AFG2A: variants seen among roughly 807,000 people sequenced by gnomAD.
AFG2A encodes ATPase family gene 2 protein homolog A.
chr4:123,008,165 C>T, the AFG2A span, among the ~76,000 whole-genome samples: 1 of 152,060 alleles, frequency 6.6e-6, no homozygotes, highest in Non-Finnish European at 1.5e-5. Context: ...CTGCTGAGGC[C>T]TATAGTAAGC....
At chr4:123,005,589 T>G in the AFG2A span, among the ~76,000 whole-genome samples, 2 of 152,242 alleles carry the variant, frequency 1.3e-5, no homozygotes, top group South Asian at 4.1e-4. Context: ...TGGTTACTGA[T>G]TTTAGATCTT....
chr4:123,284,255 C>G, the AFG2A span, among the ~76,000 whole-genome samples: 2 of 152,060 alleles, frequency 1.3e-5, no homozygotes, highest in Admixed American at 1.3e-4. Context: ...CATTTTTAAC[C>G]TATTTGCAGA....
the AFG2A span, among the ~76,000 whole-genome samples, chr4:123,047,119 G>A: frequency 1.3e-5 from 2 of 152,092 alleles, no homozygotes; most frequent in African/African-American, 2.4e-5. Context: ...ACCCAGTAGT[G>A]GAATTGCTAG....
chr4:122,995,170 A>AT, the AFG2A span, among the ~76,000 whole-genome samples: 1 of 151,930 alleles, frequency 6.6e-6, no homozygotes, highest in Non-Finnish European at 1.5e-5. Flanking sequence ...TTTATATTTT[A>AT]TTTTTTTACA....
chr4:122,949,857 G>A, the AFG2A span, among the ~76,000 whole-genome samples: 1 of 152,176 alleles, frequency 6.6e-6, no homozygotes, highest in East Asian at 1.9e-4. Flanking sequence ...TGGAGAGTAT[G>A]GTATGAAATA....
the AFG2A span, among the ~76,000 whole-genome samples, chr4:123,269,934 A>T: frequency 3.8e-5 from 2 of 52,620 alleles, no homozygotes; most frequent in South Asian, 4.3e-4. Context: ...CTTCTGCCTC[A>T]GCCTCCGGAG....
At chr4:123,099,571 C>T in the AFG2A span, among the ~76,000 whole-genome samples, 2 of 151,078 alleles carry the variant, frequency 1.3e-5, no homozygotes, top group African/African-American at 2.4e-5. Context: ...TTAACACGTA[C>T]GTTTTCTGAA....
chr4:123,040,518 T>G, the AFG2A span, among the ~76,000 whole-genome samples: 1 of 152,206 alleles, frequency 6.6e-6, no homozygotes, highest in Non-Finnish European at 1.5e-5. Flanking sequence ...CTCTGGCTCT[T>G]TATATTTCGT....
chr4:123,315,400 T>G, the AFG2A span: 1 of 146,856 alleles, frequency 6.8e-6, no homozygotes, highest in Admixed American at 7.0e-5. Flanking sequence ...TTCACCGTGT[T>G]AGCCAGGATG....
chr4:123,119,958 A>G, the AFG2A span, among the ~76,000 whole-genome samples: 1 of 152,144 alleles, frequency 6.6e-6, no homozygotes, highest in Non-Finnish European at 1.5e-5. Context: ...TTATAAAACC[A>G]TCAGATCTCA....
the AFG2A span, among the ~76,000 whole-genome samples, chr4:123,298,323 G>C: frequency 6.6e-6 from 1 of 152,184 alleles, no homozygotes; most frequent in Non-Finnish European, 1.5e-5. Flanking sequence ...AAAGTACGGA[G>C]AGAAGCAGAG....
chr4:123,144,928 G>A, the AFG2A span, among the ~76,000 whole-genome samples: 7 of 151,950 alleles, frequency 4.6e-5, no homozygotes, highest in Non-Finnish European at 8.8e-5. Context: ...AAAATGTACT[G>A]GAAGCAATTA....
At chr4:123,059,414 T>C in the AFG2A span, among the ~76,000 whole-genome samples, 1 of 151,446 alleles carries the variant, frequency 6.6e-6, no homozygotes, top group Non-Finnish European at 1.5e-5. Context: ...TTTGGTTTTT[T>C]GTTCTTGAGA....
At chr4:123,309,122 G>A in the AFG2A span, among the ~76,000 whole-genome samples, 3 of 152,204 alleles carry the variant, frequency 2.0e-5, no homozygotes, top group African/African-American at 7.2e-5. Context: ...ATGTGCCAAA[G>A]ATCACCATTA....
chr4:123,134,023 C>T, the AFG2A span, among the ~76,000 whole-genome samples: 104 of 152,228 alleles, frequency 6.8e-4, no homozygotes, highest in African/African-American at 2.5e-3. Flanking sequence ...TAGATATTAG[C>T]TCTTTATTAG....
chr4:123,189,728 C>G, the AFG2A span, among the ~76,000 whole-genome samples: 1 of 151,366 alleles, frequency 6.6e-6, no homozygotes, highest in Non-Finnish European at 1.5e-5. Flanking sequence ...TTCCATTTGC[C>G]TACAGCCACT....
the AFG2A span, among the ~76,000 whole-genome samples, chr4:122,972,515 G>A: frequency 8.1e-5 from 12 of 147,378 alleles, no homozygotes; most frequent in African/African-American, 3.0e-4. Context: ...AATTTCTTAA[G>A]ATGAATGCCT....
At chr4:123,235,143 C>T in the AFG2A span, among the ~76,000 whole-genome samples, 1 of 152,080 alleles carries the variant, frequency 6.6e-6, no homozygotes, top group Admixed American at 6.6e-5. Context: ...GCAGTTCTAG[C>T]ACCATAGGCT....
At chr4:123,125,176 C>T in the AFG2A span, among the ~76,000 whole-genome samples, 2 of 152,230 alleles carry the variant, frequency 1.3e-5, no homozygotes, top group South Asian at 2.1e-4. Context: ...AATGAGAAGT[C>T]GTGTCTAGAT....
Sources: gnomAD v4.1 joint callset for allele counts (sites outside exome capture counted in the v4.1 genomes callset) on GRCh38, gnomAD v4.1.1 for gene constraint, MANE v1.5 for transcripts, NCBI Gene and HGNC (gene_info 2026-07-23, HGNC 2026-07-21) for gene names.